EXTL1: variants seen among roughly 807,000 people sequenced by gnomAD.
EXTL1 encodes the protein exostosin like glycosyltransferase 1.
EXTL1 carries 43 observed loss-of-function variants against 64.6 expected under a neutral mutation model. The ratio of observed to expected loss-of-function variants is 0.67; its 90% CI spans 0.52 to 0.86. The LOEUF is 0.86. Ranked by LOEUF, EXTL1 falls within the 40% of genes least tolerant of loss-of-function variation. EXTL1 has a pLI of 0.00. For synonymous variants in EXTL1, 352 were observed against 360.5 expected (o/e 0.98, Z 0.27); for missense variants, 766 against 879.0 (o/e 0.87, Z 1.62).
rs1208687191 is a variant in EXTL1, at chr1:26,035,773, T to A, written c.*426T>A. The A allele has an allele frequency of 5.8e-6, 1 of 172,572 alleles. No homozygotes were observed. Among genetic ancestry groups the A allele is most frequent in the Non-Finnish European group, 1.2e-5 (1 of 81,760 alleles). The allele number at this position is 172,572 out of a possible 1,614,324, so 10.7% of individuals were successfully genotyped here. ...CTTGCGAGCCCCGGGGGGCGGGTCG[T>A]GTCGTGTCCTTTTCTCTCTGGCTAG... On this transcript the variant is annotated 3_prime_UTR_variant, in exon 11 of 11. Transcript: ENST00000374280. This position sits in a 1 kb window ranked among gnomAD's most constrained non-coding sequence, Gnocchi z 5.3.
intron 1 of EXTL1, among the ~76,000 whole-genome samples, chr1:26,023,717 C>T (rs1440277756): frequency 6.6e-6 from 1 of 152,014 alleles, no homozygotes; most frequent in Non-Finnish European, 1.5e-5. Flanking sequence ...ATTTTTTTTC[C>T]CCACATACAG....
At chr1:26,030,695 C>CT in intron 4 of EXTL1, 100 bp downstream of exon 4, 2 of 1,355,202 alleles carry the variant, frequency 1.5e-6, no homozygotes, top group East Asian at 4.8e-5. Flanking sequence ...GAACCCCCCC[C>CT]CCTTCCTTGA....
In EXTL1 at chr1:26,023,144, G is replaced by A. The variant is rs143958221; in HGVS notation, c.498G>A (p.Pro166=). Residue 166 remains proline (P), a synonymous_variant, in exon 1 of 11, where the codon CCG becomes CCA. Coordinates refer to ENST00000374280, the MANE Select transcript of EXTL1 (RefSeq NM_004455.3). ...ACCATCTGGTCCTCCGTCTCCACCC[G>A]GCTCCCTGCCCCAGGACCTTCCAGC... The part of the protein sequence containing the change: ...GRNHLVLRLH[P]APCPRTFQLG... 100 of 1,613,786 alleles carry A rather than the reference G, an allele frequency of 6.2e-5. No homozygotes were observed. The highest frequency in any genetic ancestry group is 7.9e-5 in the Non-Finnish European group (93 of 1,180,032).
At chr1:26,032,577 A>G (rs1301279328) in intron 7 of EXTL1, 92 bp downstream of exon 7, 1 of 906,530 alleles carries the variant, frequency 1.1e-6, no homozygotes, top group African/African-American at 1.7e-5. Flanking sequence ...CTTGGGCCTG[A>G]GCCGCAGTTG....
At chr1:26,027,590 T>G (rs1217942728) in intron 1 of EXTL1, among the ~76,000 whole-genome samples, 2 of 150,832 alleles carry the variant, frequency 1.3e-5, no homozygotes, top group African/African-American at 2.4e-5. Context: ...GTGTGGTGGC[T>G]CATGTCTGTA....
At chr1:26,028,096 G>A (rs1208816651) in intron 1 of EXTL1, among the ~76,000 whole-genome samples, 1 of 152,178 alleles carries the variant, frequency 6.6e-6, no homozygotes, top group Non-Finnish European at 1.5e-5. Context: ...GCTTACTTGT[G>A]GCTTCTTCCA....
Position 26,035,436 on chromosome 1 carries a change from C to A in EXTL1, c.*89C>A. The A allele has an allele frequency of 3.2e-6, 4 of 1,235,514 alleles. No homozygotes were observed. In the South Asian group the frequency reaches 6.1e-5, roughly 19 times the overall value. 76.5% of individuals were successfully genotyped at this position (1,235,514 alleles called of 1,614,324 possible). ...CCGGCGGGCTCCGCTCTTGGGACAC[C>A]GGAGAACCTATCATGTCAGCCAGCG... On this transcript the variant is annotated 3_prime_UTR_variant, in exon 11 of 11. Transcript: ENST00000374280. The surrounding 1 kb of genome is among the most constrained non-coding windows in gnomAD (Gnocchi z 5.3).
At chr1:26,029,731 G>A (rs1045610080) in intron 3 of EXTL1, 24 bp downstream of exon 3, 1 of 1,501,148 alleles carries the variant, frequency 6.7e-7, no homozygotes, top group Admixed American at 1.7e-5. Context: ...CTGCCCACAG[G>A]GTGGGAACTG....
In EXTL1 at chr1:26,033,935, G is replaced by A; in HGVS notation, c.1679+79G>A. 1 of 1,360,984 alleles carries A rather than the reference G, an allele frequency of 7.3e-7. No homozygotes were observed. The highest frequency in any genetic ancestry group is 9.8e-7 in the Non-Finnish European group (1 of 1,018,904). 84.3% of individuals were successfully genotyped at this position (1,360,984 alleles called of 1,614,324 possible). A position where few individuals can be genotyped will look rare whatever the true frequency, so the allele number is the denominator to read the frequency against. On this transcript the variant is annotated intron_variant, in intron 9 of 10. Coordinates refer to ENST00000374280, the MANE Select transcript of EXTL1 (RefSeq NM_004455.3). The surrounding 1 kb of genome is among the most constrained non-coding windows in gnomAD (Gnocchi z 5.1). ...ACCCCCACCCCGAACGGAGCAGAGT[G>A]GCCTAGACCCCAGGGATCCAGGTTC... is the stretch of plus-strand genomic sequence containing the variant.
intron 1 of EXTL1, among the ~76,000 whole-genome samples, chr1:26,024,982 G>A (rs1434238852): frequency 2.0e-5 from 3 of 152,168 alleles, no homozygotes; most frequent in Non-Finnish European, 2.9e-5. Flanking sequence ...AGCCGGCCAC[G>A]GTTTTCTAAT....
At chr1:26,030,697 C>CG in intron 4 of EXTL1, 102 bp downstream of exon 4, 1 of 1,325,948 alleles carries the variant, frequency 7.5e-7, no homozygotes, top group Non-Finnish European at 1.0e-6. Context: ...ACCCCCCCCC[C>CG]TTCCTTGAAG....
In EXTL1 at chr1:26,034,815, C is replaced by T. The variant is rs746705423; in HGVS notation, c.1680-21C>T. 22 of 1,607,482 alleles carry T rather than the reference C, an allele frequency of 1.4e-5. No homozygotes were observed. In the South Asian group the frequency reaches 2.4e-4, roughly 18 times the overall value. On this transcript the variant is annotated intron_variant, in intron 9 of 10. Coordinates refer to ENST00000374280, the MANE Select transcript of EXTL1 (RefSeq NM_004455.3). This position sits in a 1 kb window ranked among gnomAD's most constrained non-coding sequence, Gnocchi z 4.6. ...GGATGGATTTGGCTGCAGCCTCTCC[C>T]TGTCTTTTCCTCTTGCCCAGGTATT...
intron 2 of EXTL1, 152 bp downstream of exon 2, chr1:26,029,438 C>T (rs2050256250): frequency 1.3e-6 from 1 of 741,850 alleles, no homozygotes; most frequent in South Asian, 1.6e-5. Flanking sequence ...ATTCACTGCA[C>T]CCTCTGCAGA....
rs191608587 is a variant in EXTL1, at chr1:26,028,629, G to A, written c.780-564G>A. Among the ~76,000 whole-genome samples, 248 of 151,822 alleles carry A rather than the reference G, an allele frequency of 1.6e-3. 1 individual carries two copies. The highest frequency in any genetic ancestry group is 1.9e-3 in the Non-Finnish European group (129 of 67,930). On this transcript the variant is annotated intron_variant, in intron 1 of 10. Transcript: ENST00000374280. ...AGGGTGGTGGAGGGGGTAGGTGGGA[G>A]GAACAGAGGGAGCCTGTCCTCTGGG...
At chr1:26,032,579 C>G in intron 7 of EXTL1, 94 bp downstream of exon 7, 1 of 879,486 alleles carries the variant, frequency 1.1e-6, no homozygotes, top group Non-Finnish European at 1.8e-6. Flanking sequence ...TGGGCCTGAG[C>G]CGCAGTTGGG....
intron 1 of EXTL1, among the ~76,000 whole-genome samples, chr1:26,028,450 A>G (rs1206443722): frequency 6.6e-6 from 1 of 152,152 alleles, no homozygotes; most frequent in Non-Finnish European, 1.5e-5. Context: ...TCCCACACTG[A>G]GCAGGCCTGT....
At position 26,030,518 on chromosome 1, in the gene EXTL1, G is replaced by A. The variant is rs758948548; in HGVS notation, c.1024G>A (p.Ala342Thr). The change falls in exon 4 of 11, where the codon GCC becomes ACC. Residue 342 changes from alanine to threonine, a missense_variant. This residue lies in a region of EXTL1 where 571 missense variants were observed against 647.6 expected (regional missense o/e 0.88). Transcript: ENST00000374280. ...GGAGATGTCCCCTGCACGGGTCCTC[G>A]CCCTGCGTCAGCAGACCCAGTTTCT... ...LQEMSPARVL[A>T]LRQQTQFLWD... is the part of the protein sequence containing the mutation. The A allele has an allele frequency of 8.1e-6, 13 of 1,613,162 alleles. No individual in the cohort carries two copies. The highest frequency in any genetic ancestry group is 3.3e-5 in the Admixed American group (2 of 59,992).
chr1:26,031,686 T>C (rs2050289274), intron 6 of EXTL1, 120 bp downstream of exon 6: 4 of 517,472 alleles, frequency 7.7e-6, no homozygotes, highest in Non-Finnish European at 1.3e-5. Context: ...ACGGGGAAGA[T>C]TTCCAAGTGT....
intron 1 of EXTL1, among the ~76,000 whole-genome samples, chr1:26,028,423 T>G (rs978501114): frequency 6.6e-6 from 1 of 152,224 alleles, no homozygotes; most frequent in Non-Finnish European, 1.5e-5. Context: ...TAGTACCCTC[T>G]GGGCCCTAGT....
Sources: gnomAD v4.1 joint callset for allele counts (sites outside exome capture counted in the v4.1 genomes callset) on GRCh38, gnomAD v4.1.1 for gene constraint, gnomAD v4.1.1 regional missense constraint, Gnocchi (gnomAD v3.1) non-coding constraint, MANE v1.5 for transcripts, NCBI Gene and HGNC (gene_info 2026-07-23, HGNC 2026-07-21) for gene names.